NALCN: variants seen among roughly 807,000 people sequenced by gnomAD.
NALCN encodes the protein sodium leak channel, non-selective.
NALCN carries 111 observed loss-of-function variants against 225.3 expected under a neutral mutation model. That is an observed-to-expected ratio of 0.49 (90% CI 0.42 to 0.58). The LOEUF (loss-of-function observed/expected upper bound fraction) is 0.58, where lower values mean the gene tolerates loss of function less well. NALCN is among the 20% of genes least tolerant of loss of function. The probability of loss-of-function intolerance (pLI) is 0.00; values close to 1 mark genes in which losing one functional copy is unlikely to be tolerated. For missense variants in NALCN, 1,378 were observed against 2,202.4 expected (o/e 0.63, Z 7.49); for synonymous variants, 764 against 769.0 (o/e 0.99, Z 0.11).
At chr13:101,298,013 G>A (rs183074322) in intron 7 of NALCN, among the ~76,000 whole-genome samples, 5 of 152,124 alleles carry the variant, frequency 3.3e-5, no homozygotes, top group Non-Finnish European at 5.9e-5. Context: ...AAACTTACAC[G>A]TTACTCAACC....
chr13:101,067,011 T>C (rs2032448466), intron 39 of NALCN, among the ~76,000 whole-genome samples: 1 of 151,986 alleles, frequency 6.6e-6, no homozygotes, highest in African/African-American at 2.4e-5. Context: ...GCACTATTTA[T>C]TATTATTTCA....
At chr13:101,397,084 A>ATG in intron 2 of NALCN, among the ~76,000 whole-genome samples, 1 of 57,792 alleles carries the variant, frequency 1.7e-5, no homozygotes, top group African/African-American at 1.6e-4. Context: ...ATATATATAT[A>ATG]TATATATATA....
intron 7 of NALCN, among the ~76,000 whole-genome samples, chr13:101,343,544 T>G (rs1402512703): frequency 3.9e-5 from 6 of 152,236 alleles, no homozygotes; most frequent in Admixed American, 1.3e-4. Context: ...TAAATATTTA[T>G]GGAGGGCTCC....
At chr13:101,063,867 T>G (rs577951154) in intron 40 of NALCN, among the ~76,000 whole-genome samples, 3 of 152,348 alleles carry the variant, frequency 2.0e-5, no homozygotes, top group African/African-American at 7.2e-5. Context: ...TCAGTCGCTC[T>G]TATTTTTTTC....
In NALCN at chr13:101,104,744, A is replaced by C; in HGVS notation, c.2637-94T>G. The C allele has an allele frequency of 1.3e-6, 2 of 1,571,726 alleles. No homozygotes were observed. The highest frequency in any genetic ancestry group is 2.3e-5 in the South Asian group (2 of 87,172). ...TGGCTTCTGTGGCTCTATCAACATG[A>C]CTGGTATTTTAAAAACATCATTCCC... is the stretch of plus-strand genomic sequence containing the variant. On this transcript the variant is annotated intron_variant, in intron 23 of 43. Coordinates refer to ENST00000251127, the MANE Select transcript of NALCN (RefSeq NM_052867.4). The surrounding 1 kb of genome is among the most constrained non-coding windows in gnomAD (Gnocchi z 4.2).
At chr13:101,115,874 A>G (rs1448988929) in intron 18 of NALCN, among the ~76,000 whole-genome samples, 3 of 151,916 alleles carry the variant, frequency 2.0e-5, no homozygotes, top group African/African-American at 7.3e-5. Context: ...TTTCTTAGGA[A>G]CTCCATCTAG....
chr13:101,151,496 G>C (rs141823679), intron 15 of NALCN, among the ~76,000 whole-genome samples: 2 of 152,288 alleles, frequency 1.3e-5, no homozygotes, highest in Non-Finnish European at 2.9e-5. Flanking sequence ...ACTGTGCATA[G>C]ATTTGTGAGT....
At chr13:101,098,427 T>C (rs1020460260) in intron 27 of NALCN, among the ~76,000 whole-genome samples, 1 of 152,158 alleles carries the variant, frequency 6.6e-6, no homozygotes, top group African/African-American at 2.4e-5. Flanking sequence ...ATTTAATGAC[T>C]ATTTGTCAAA....
intron 18 of NALCN, among the ~76,000 whole-genome samples, chr13:101,113,681 A>G (rs1030069403): frequency 2.0e-5 from 3 of 152,270 alleles, no homozygotes; most frequent in Non-Finnish European, 4.4e-5. Flanking sequence ...TAACATGCAC[A>G]GTATAATGAC....
intron 39 of NALCN, among the ~76,000 whole-genome samples, chr13:101,067,077 G>A (rs545735914): frequency 6.6e-5 from 10 of 151,796 alleles, no homozygotes; most frequent in Non-Finnish European, 1.3e-4. Flanking sequence ...TACAGGAGCT[G>A]TTCCATCTTG....
Position 101,067,793 on chromosome 13 carries a change from T to G in NALCN, c.4446+125A>C. The stretch of plus-strand genomic sequence containing the variant: ...TTCTGCTGAACTGTAAATGATGGCT[T>G]TCTGCAATTCACCATTTAAAAATTC... On this transcript the variant is annotated intron_variant, in intron 39 of 43. Coordinates refer to ENST00000251127, the MANE Select transcript of NALCN (RefSeq NM_052867.4). 5.6e-6 allele frequency: 4 copies of G among 709,408 alleles called. No individual in the cohort carries two copies. In the South Asian group the frequency reaches 6.5e-5, roughly 11 times the overall value. The allele number at this position is 709,408 out of a possible 1,614,324, so 43.9% of individuals were successfully genotyped here. A position where few individuals can be genotyped will look rare whatever the true frequency, so the allele number is the denominator to read the frequency against.
In NALCN at chr13:101,192,521, A is replaced by G. The variant is rs186947647; in HGVS notation, c.1627-467T>C. On this transcript the variant is annotated intron_variant, in intron 13 of 43. Coordinates refer to ENST00000251127, the MANE Select transcript of NALCN (RefSeq NM_052867.4). ...TTTCTATCATATTATTTTAGCTATC[A>G]TATTAAAAACATGGGACTCTTTAAA... is the stretch of plus-strand genomic sequence containing the variant. 3.9e-3 allele frequency among the ~76,000 whole-genome samples: 590 copies of G among 152,288 alleles called. 13 individuals are homozygous for G. Among genetic ancestry groups the G allele is most frequent in the Admixed American group, 0.035 (540 of 15,284 alleles).
At chr13:101,140,274 C>T (rs2037006905) in intron 17 of NALCN, among the ~76,000 whole-genome samples, 1 of 152,136 alleles carries the variant, frequency 6.6e-6, no homozygotes, top group African/African-American at 2.4e-5. Flanking sequence ...GAGGGGCGGG[C>T]CACATTCTCT....
Position 101,140,614 on chromosome 13 carries a change from C to T in NALCN, c.2118+2466G>A, listed in dbSNP as rs78448683. 2.9e-3 allele frequency among the ~76,000 whole-genome samples: 444 copies of T among 152,342 alleles called. 2 individuals carry two copies. The highest frequency in any genetic ancestry group is 5.4e-3 in the Non-Finnish European group (369 of 68,034). ...ACAAAACAACCTGCTTTCTAGTCCA[C>T]GCAAACTGCAATTTCAGACTGACTG... On this transcript the variant is annotated intron_variant, in intron 17 of 43. Transcript: ENST00000251127.
rs528199307 is a variant in NALCN at position 101,183,691 on chromosome 13, C to T, written c.1765-7317G>A. Reference sequence around the variant, plus strand: ...ATCAGGCTGGTCTGGAATTCCCGACCTCAGGTGATCCACCCGCCTCGGCCT... The same window carrying T: ...ATCAGGCTGGTCTGGAATTCCCGACTTCAGGTGATCCACCCGCCTCGGCCT... On this transcript the variant is annotated intron_variant, in intron 14 of 43. Coordinates refer to ENST00000251127, the MANE Select transcript of NALCN (RefSeq NM_052867.4). Among the ~76,000 whole-genome samples the T allele has an allele frequency of 9.2e-5, 14 of 152,126 alleles. 1 individual carries two copies. The highest frequency in any genetic ancestry group is 1.6e-4 in the Non-Finnish European group (11 of 68,024).
At chr13:101,118,607 C>T (rs887295023) in intron 18 of NALCN, among the ~76,000 whole-genome samples, 6 of 152,104 alleles carry the variant, frequency 3.9e-5, no homozygotes, top group Admixed American at 2.6e-4. Context: ...ACTAACTTAT[C>T]AGAGTTTTTA....
intron 13 of NALCN, among the ~76,000 whole-genome samples, chr13:101,216,154 A>C (rs1276112552): frequency 6.6e-6 from 1 of 152,140 alleles, no homozygotes; most frequent in African/African-American, 2.4e-5. Flanking sequence ...GCAATATAAT[A>C]TGTAGTTGCT....
At chr13:101,069,564 T>C (rs1160209603) in intron 37 of NALCN, among the ~76,000 whole-genome samples, 1 of 152,212 alleles carries the variant, frequency 6.6e-6, no homozygotes, top group Non-Finnish European at 1.5e-5. Context: ...TGGCGATTTC[T>C]TAAAACAAGT....
At chr13:101,158,865 C>T (rs1363496297) in intron 15 of NALCN, among the ~76,000 whole-genome samples, 1 of 152,194 alleles carries the variant, frequency 6.6e-6, no homozygotes, top group Non-Finnish European at 1.5e-5. Context: ...CCACAACTTT[C>T]CTCCCACAGC....
Sources: allele counts gnomAD v4.1 joint callset (sites outside exome capture counted in the v4.1 genomes callset), GRCh38; gene constraint gnomAD v4.1.1; non-coding constraint Gnocchi (gnomAD v3.1); transcripts MANE v1.5; gene names NCBI Gene and HGNC (gene_info 2026-07-23, HGNC 2026-07-21).